KNDC1: variants seen among roughly 807,000 people sequenced by gnomAD.
The protein encoded by KNDC1 is kinase non-catalytic C-lobe domain-containing protein 1.
In KNDC1, 106 loss-of-function variants were observed where a neutral mutation model predicts 172.8. That is an observed-to-expected ratio of 0.61 (90% CI 0.52 to 0.72). The LOEUF is 0.72. Among genes scored for constraint, KNDC1 ranks in the 30% least tolerant of loss-of-function variants. The pLI is 0.00. For missense variants in KNDC1, 2,325 were observed against 2,394.5 expected (o/e 0.97, Z 0.61); for synonymous variants, 1,083 against 1,062.2 (o/e 1.02, Z -0.38).
chr10:133,199,333 G>A, intron 14 of KNDC1, 67 bp downstream of exon 14: 1 of 1,550,020 alleles, frequency 6.5e-7, no homozygotes, highest in African/African-American at 1.4e-5. Context: ...GGGACTCGGG[G>A]CCGCCCCACG....
At chr10:133,216,933 C>T (rs1461042306) in intron 26 of KNDC1, among the ~76,000 whole-genome samples, 1 of 152,254 alleles carries the variant, frequency 6.6e-6, no homozygotes, top group Non-Finnish European at 1.5e-5. Flanking sequence ...AGTCGCGAAG[C>T]ACGGACAGTG....
rs1564867047 is a variant in KNDC1 at position 133,160,277 on chromosome 10, ACCCC to A, written c.-190_-187del. ...GGACAGCGCCGCGCAGCCCCCGCGC[ACCCC>A]GCGCCCCCCGCGCCCCCCGGGCCCG... On this transcript the variant is annotated 5_prime_UTR_variant, in exon 1 of 30. Coordinates refer to ENST00000304613, the MANE Select transcript of KNDC1 (RefSeq NM_152643.8). Among the ~76,000 whole-genome samples, 2 of 132,830 alleles carry A rather than the reference ACCCC, an allele frequency of 1.5e-5. No homozygotes were observed. The highest frequency in any genetic ancestry group is 6.2e-5 in the African/African-American group (2 of 32,464). The allele number at this position is 132,830 out of a possible 152,430, so 87.1% of individuals were successfully genotyped here.
chr10:133,172,179 C>T (rs1853396970), intron 3 of KNDC1, among the ~76,000 whole-genome samples: 1 of 152,046 alleles, frequency 6.6e-6, no homozygotes, highest in Non-Finnish European at 1.5e-5. Flanking sequence ...AGAAACTGAC[C>T]ACTCCCCCCA....
At chr10:133,192,084 C>T (rs533416217) in intron 9 of KNDC1, among the ~76,000 whole-genome samples, 1 of 152,346 alleles carries the variant, frequency 6.6e-6, no homozygotes, top group South Asian at 2.1e-4. Context: ...CTGCCCAAAG[C>T]AATCCGCAGA....
intron 3 of KNDC1, among the ~76,000 whole-genome samples, chr10:133,180,118 G>A (rs774970909): frequency 3.9e-5 from 6 of 152,200 alleles, no homozygotes; most frequent in African/African-American, 7.2e-5. Context: ...GCTCTTCGCC[G>A]GTGGCTCAAA....
Position 133,225,404 on chromosome 10 carries a change from G to A in KNDC1, c.*514G>A, listed in dbSNP as rs566338383. ...AGCTCCCAGGGACTCCGAGACCTCC[G>A]GTCCGAGACCCTGCCTGGGTTCACC... is the stretch of plus-strand genomic sequence containing the variant. On this transcript the variant is annotated 3_prime_UTR_variant, in exon 30 of 30. Coordinates refer to ENST00000304613, the MANE Select transcript of KNDC1 (RefSeq NM_152643.8). 2.5e-4 allele frequency: 41 copies of A among 166,308 alleles called. 1 individual carries two copies. In the South Asian group the frequency reaches 6.1e-3, roughly 25 times the overall value. The allele number at this position is 166,308 out of a possible 1,614,324, so 10.3% of individuals were successfully genotyped here. A position where few individuals can be genotyped will look rare whatever the true frequency, so the allele number is the denominator to read the frequency against.
chr10:133,182,212 C>A (rs531814465), intron 3 of KNDC1, among the ~76,000 whole-genome samples: 1 of 152,168 alleles, frequency 6.6e-6, no homozygotes, highest in Non-Finnish European at 1.5e-5. Flanking sequence ...TTGGACCTCA[C>A]GACGGACTGG....
intron 3 of KNDC1, among the ~76,000 whole-genome samples, chr10:133,180,883 C>CTCGACGAGTG (rs1317083182): frequency 6.6e-6 from 1 of 152,266 alleles, no homozygotes; most frequent in African/African-American, 2.4e-5. Context: ...TGCAAATTAA[C>CTCGACGAGTG]TCGACGAGTG....
rs1854458904 is a variant in KNDC1, at chr10:133,204,190, A to AACCCT, written c.3387+2292_3387+2293insACCCT. On this transcript the variant is annotated intron_variant, in intron 17 of 29. Transcript: ENST00000304613. ...ACCAGGTGCCCCGGCAGCAGAACACAGCTCCATGGGGACACCTGCGTTTAC... is the reference window on the plus strand; with the variant it reads ...ACCAGGTGCCCCGGCAGCAGAACACAACCCTGCTCCATGGGGACACCTGCGTTTAC... Among the ~76,000 whole-genome samples, 4 of 152,306 alleles carry AACCCT rather than the reference A, an allele frequency of 2.6e-5. No individual in the cohort carries two copies. The East Asian group carries it at 7.7e-4, about 29-fold the overall frequency.
chr10:133,177,535 G>GTA, intron 3 of KNDC1, among the ~76,000 whole-genome samples: 1 of 43,418 alleles, frequency 2.3e-5, no homozygotes, highest in South Asian at 1.9e-3. Flanking sequence ...CATGCACATA[G>GTA]TGTGTGTCAT....
At position 133,209,208 on chromosome 10, in the gene KNDC1, G is replaced by C. The variant is rs953632684; in HGVS notation, c.3795-1403G>C. On this transcript the variant is annotated intron_variant, in intron 20 of 29. Coordinates refer to ENST00000304613, the MANE Select transcript of KNDC1 (RefSeq NM_152643.8). The surrounding 1 kb of genome is among the most constrained non-coding windows in gnomAD (Gnocchi z 4.9). ...ATGGGGTGTAGTGTGGCGTGTACACGTGTGTGGTTGGGTTTTGTGTGGTGC... is the reference window on the plus strand; with the variant it reads ...ATGGGGTGTAGTGTGGCGTGTACACCTGTGTGGTTGGGTTTTGTGTGGTGC... Among the ~76,000 whole-genome samples, 1 of 150,470 alleles carries C rather than the reference G, an allele frequency of 6.6e-6. No individual in the cohort carries two copies. Among genetic ancestry groups the C allele is most frequent in the South Asian group, 2.1e-4 (1 of 4,774 alleles).
intron 16 of KNDC1, among the ~76,000 whole-genome samples, 186 bp from the exon 17 acceptor site, chr10:133,201,315 G>A (rs893732137): frequency 1.3e-5 from 2 of 152,264 alleles, no homozygotes; most frequent in Non-Finnish European, 2.9e-5. Context: ...CCGTGCGGCA[G>A]TTCAGGGTCC....
At position 133,166,694 on chromosome 10, in the gene KNDC1, GTGTC is replaced by G. The variant is rs1003384357; in HGVS notation, c.103-683_103-680del. Among the ~76,000 whole-genome samples the G allele has an allele frequency of 4.6e-5, 7 of 152,110 alleles. No individual in the cohort carries two copies. The East Asian group carries it at 5.8e-4, about 13-fold the overall frequency. On this transcript the variant is annotated intron_variant, in intron 1 of 29. Transcript: ENST00000304613. ...GTGGGATGCATGTATGGGGATGCGT[GTGTC>G]TGTGTGAGGGTGAGCACGTGTGCTA...
Position 133,162,741 on chromosome 10 carries a change from C to T in KNDC1, c.102+2172C>T, listed in dbSNP as rs541310281. Among the ~76,000 whole-genome samples the T allele has an allele frequency of 2.8e-4, 42 of 152,392 alleles. No individual in the cohort carries two copies. In the South Asian group the frequency reaches 7.9e-3, roughly 29 times the overall value. ...CAAGGACGGCGCAGCAGCTCTCCCTCGCGCCAGTGGGAGGACAAATGGAGC... is the reference window on the plus strand; with the variant it reads ...CAAGGACGGCGCAGCAGCTCTCCCTTGCGCCAGTGGGAGGACAAATGGAGC... On this transcript the variant is annotated intron_variant, in intron 1 of 29. Transcript: ENST00000304613.
intron 3 of KNDC1, among the ~76,000 whole-genome samples, chr10:133,177,874 CATG>C (rs1853593007): frequency 6.7e-6 from 1 of 149,814 alleles, no homozygotes. Context: ...ACGTGTGTAG[CATG>C]GTGTGTGTGT....
chr10:133,174,731 G>C (rs961300379), intron 3 of KNDC1, among the ~76,000 whole-genome samples: 1 of 151,810 alleles, frequency 6.6e-6, no homozygotes, highest in East Asian at 1.9e-4. Context: ...GTTAATATGT[G>C]GATGGATGGG....
Position 133,164,603 on chromosome 10 carries a change from G to A in KNDC1, c.103-2778G>A, listed in dbSNP as rs150910231. Among the ~76,000 whole-genome samples, 1,174 of 152,332 alleles carry A rather than the reference G, an allele frequency of 7.7e-3. 5 individuals are homozygous for A. The highest frequency in any genetic ancestry group is 0.01 in the Non-Finnish European group (714 of 68,036). On this transcript the variant is annotated intron_variant, in intron 1 of 29. Transcript: ENST00000304613. ...ATTAAACTCCTGTCGAGGCCACCTCGGCAGCCCCGCAGCCCGGCTGGGCGT... is the reference window on the plus strand; with the variant it reads ...ATTAAACTCCTGTCGAGGCCACCTCAGCAGCCCCGCAGCCCGGCTGGGCGT...
In KNDC1 at chr10:133,212,923, G is replaced by T; in HGVS notation, c.4443+1G>T. 6.2e-7 allele frequency: 1 copy of T among 1,609,328 alleles called. No homozygotes were observed. Among genetic ancestry groups the T allele is most frequent in the Non-Finnish European group, 8.5e-7 (1 of 1,176,714 alleles). On this transcript the variant is annotated splice_donor_variant, in intron 24 of 29. Transcript: ENST00000304613. LOFTEE classifies it high-confidence loss of function. ...CAGCCAGCTCACGCTGCTACAGCAG[G>T]TGAGGAGGGCGAGGATCTGCGCCCA...
intron 3 of KNDC1, among the ~76,000 whole-genome samples, chr10:133,181,099 C>T (rs1853703356): frequency 6.6e-6 from 1 of 151,052 alleles, no homozygotes; most frequent in Non-Finnish European, 1.5e-5. Context: ...ACTGACGTCA[C>T]ACGCGGCACC....
Sources: allele counts gnomAD v4.1 joint callset (sites outside exome capture counted in the v4.1 genomes callset), GRCh38; gene constraint gnomAD v4.1.1; non-coding constraint Gnocchi (gnomAD v3.1); transcripts MANE v1.5; gene names NCBI Gene and HGNC (gene_info 2026-07-23, HGNC 2026-07-21).